Variants in DOCK5 observed in about 807,000 individuals in gnomAD.
DOCK5 encodes the protein dedicator of cytokinesis 5, also known as dedicator of cytokinesis protein 5.
In DOCK5, 142 loss-of-function variants were observed where a neutral mutation model predicts 251.8. That is an observed-to-expected ratio of 0.56 (90% CI 0.49 to 0.65). DOCK5 has a LOEUF of 0.65. Ranked by LOEUF, DOCK5 falls within the 30% of genes least tolerant of loss-of-function variation. The pLI is 0.00. For missense variants in DOCK5, 2,111 were observed against 2,312.3 expected, an observed-to-expected ratio of 0.91 and a Z score of 1.79; for synonymous variants, 842 against 835.5, an observed-to-expected ratio of 1.01 and a Z score of -0.13.
At chr8:25,350,593 C>T (rs1800450062) in intron 26 of DOCK5, among the ~76,000 whole-genome samples, 1 of 152,174 alleles carries the variant, frequency 6.6e-6, no homozygotes, top group Non-Finnish European at 1.5e-5. Flanking sequence ...AACAAAATAC[C>T]ACAGACTGCG....
rs978807384 is a variant in DOCK5, at chr8:25,316,927, TA to T, written c.1319-79del. On this transcript the variant is annotated intron_variant, in intron 13 of 51. Transcript: ENST00000276440. ...AAACCAGACCATTTCGTGTTGTCTT[TA>T]CCTTTTATGTCGTATGACATTCTGA... 3 of 1,557,620 alleles carry T rather than the reference TA, an allele frequency of 1.9e-6. No homozygotes were observed. The African/African-American group carries it at 4.1e-5, about 21-fold the overall frequency.
intron 47 of DOCK5, among the ~76,000 whole-genome samples, chr8:25,402,383 G>C (rs1480965839): frequency 6.6e-6 from 1 of 152,074 alleles, no homozygotes; most frequent in Non-Finnish European, 1.5e-5. Flanking sequence ...TGCAAGCTCT[G>C]CCTCCCAGGT....
chr8:25,415,527 A>G lies in DOCK5; in HGVS notation c.*4229A>G, dbSNP rs182814931. On this transcript the variant is annotated 3_prime_UTR_variant, in exon 52 of 52. Coordinates refer to ENST00000276440, the MANE Select transcript of DOCK5 (RefSeq NM_024940.8). ...TCTGCAGTATCAGATGTCCAAACTC[A>G]TCTACTATTAGCCATATTTTGTGAG... 126 of 152,328 alleles carry G rather than the reference A, an allele frequency of 8.3e-4. No individual in the cohort carries two copies. The highest frequency in any genetic ancestry group is 2.9e-3 in the African/African-American group (120 of 41,574). 9.4% of individuals were successfully genotyped at this position (152,328 alleles called of 1,614,324 possible). A position where few individuals can be genotyped will look rare whatever the true frequency, so the allele number is the denominator to read the frequency against.
chr8:25,281,976 G>A (rs569261182), intron 5 of DOCK5, among the ~76,000 whole-genome samples: 2 of 151,346 alleles, frequency 1.3e-5, no homozygotes, highest in Non-Finnish European at 2.9e-5. Flanking sequence ...AATTATTTTG[G>A]TATTTGTGAA....
At chr8:25,302,555 A>G in intron 10 of DOCK5, 101 bp downstream of exon 10, 4 of 1,387,262 alleles carry the variant, frequency 2.9e-6, no homozygotes, top group Non-Finnish European at 3.8e-6. Context: ...CAAATGATCC[A>G]GCTGCCCTGC....
chr8:25,286,040 A>G (rs528543226), intron 5 of DOCK5, among the ~76,000 whole-genome samples: 5 of 152,248 alleles, frequency 3.3e-5, no homozygotes, highest in South Asian at 4.1e-4. Context: ...TAAAAATCAG[A>G]CCTTTGCTGG....
intron 7 of DOCK5, among the ~76,000 whole-genome samples, chr8:25,297,133 TG>T (rs1317125466): frequency 6.6e-6 from 1 of 152,106 alleles, no homozygotes; most frequent in Non-Finnish European, 1.5e-5. Flanking sequence ...CTTGCTCTGT[TG>T]CCCAGGCTGG....
At chr8:25,316,661 T>C (rs1009066951) in intron 13 of DOCK5, among the ~76,000 whole-genome samples, 2 of 152,180 alleles carry the variant, frequency 1.3e-5, no homozygotes, top group Admixed American at 1.3e-4. Context: ...TATTATCAGA[T>C]GTATTCAAAA....
chr8:25,252,597 T>A (rs1206297896), intron 2 of DOCK5, among the ~76,000 whole-genome samples: 2 of 152,214 alleles, frequency 1.3e-5, no homozygotes, highest in Non-Finnish European at 2.9e-5. Flanking sequence ...TTCCCACATC[T>A]GTTTGACCTT....
chr8:25,334,712 TAAAA>T (rs551681119), intron 21 of DOCK5, among the ~76,000 whole-genome samples: 1 of 126,784 alleles, frequency 7.9e-6, no homozygotes. Context: ...ACTTAGTATC[TAAAA>T]AAAAAAAAAA....
chr8:25,229,546 T>A (rs574161906), intron 1 of DOCK5, among the ~76,000 whole-genome samples: 2 of 152,048 alleles, frequency 1.3e-5, no homozygotes, highest in South Asian at 4.2e-4. Context: ...GTCATAGAAA[T>A]ACTGATTTAC....
chr8:25,209,954 C>G (rs1380084161), intron 1 of DOCK5, among the ~76,000 whole-genome samples: 3 of 60,742 alleles, frequency 4.9e-5, no homozygotes, highest in East Asian at 3.4e-4. Context: ...GATCCTCCCC[C>G]CTCAGTCTCT....
At chr8:25,332,202 G>A (rs539331179) in intron 18 of DOCK5, 49 bp from the exon 19 acceptor site, 4 of 1,428,836 alleles carry the variant, frequency 2.8e-6, no homozygotes, top group Non-Finnish European at 3.9e-6. Context: ...TCCTGAAATG[G>A]TCTGGGTTGT....
At chr8:25,379,599 A>G (rs1038619051) in intron 38 of DOCK5, among the ~76,000 whole-genome samples, 9 of 152,334 alleles carry the variant, frequency 5.9e-5, no homozygotes, top group Non-Finnish European at 1.0e-4. Context: ...CACAATTATC[A>G]TAGTGGTCCT....
chr8:25,357,353 T>A (rs1800594386), intron 27 of DOCK5, among the ~76,000 whole-genome samples: 1 of 150,814 alleles, frequency 6.6e-6, no homozygotes, highest in African/African-American at 2.4e-5. Flanking sequence ...TTTATACTGC[T>A]TTATAATTGA....
At chr8:25,250,375 G>A (rs1221953457) in intron 2 of DOCK5, among the ~76,000 whole-genome samples, 1 of 152,224 alleles carries the variant, frequency 6.6e-6, no homozygotes, top group African/African-American at 2.4e-5. Context: ...ATTCCTTAAG[G>A]ACTGAAGCGA....
chr8:25,352,955 A>G (rs1005051729), intron 27 of DOCK5, among the ~76,000 whole-genome samples: 1 of 152,178 alleles, frequency 6.6e-6, no homozygotes, highest in Admixed American at 6.5e-5. Context: ...GGAGTGAGCC[A>G]TGTGGCTATC....
intron 28 of DOCK5, 78 bp downstream of exon 28, chr8:25,359,139 G>GT (rs1800631427): frequency 2.3e-6 from 3 of 1,286,074 alleles, no homozygotes; most frequent in African/African-American, 2.9e-5. Flanking sequence ...GCTGAGCATC[G>GT]TGAGTCCAGG....
At chr8:25,315,453 G>A (rs1052101761) in intron 13 of DOCK5, among the ~76,000 whole-genome samples, 2 of 152,116 alleles carry the variant, frequency 1.3e-5, no homozygotes, top group East Asian at 3.9e-4. Context: ...CCTGAGTTGG[G>A]GCAAGGCTGG....
Sources: allele counts gnomAD v4.1 joint callset (sites outside exome capture counted in the v4.1 genomes callset), GRCh38; gene constraint gnomAD v4.1.1; transcripts MANE v1.5; gene names NCBI Gene and HGNC (gene_info 2026-07-23, HGNC 2026-07-21).